The following CSF1R variants were observed in gnomAD, a reference collection of about 807,000 sequenced individuals.
CSF1R encodes colony stimulating factor 1 receptor, also known as macrophage colony-stimulating factor 1 receptor.
A neutral mutation model predicts 110.0 loss-of-function variants in CSF1R; 40 were observed. That is an observed-to-expected ratio of 0.36 (90% CI 0.28 to 0.47). The LOEUF is 0.47. CSF1R is among the 20% of genes least tolerant of loss of function. The pLI is 0.99. For synonymous variants in CSF1R, 523 were observed against 503.4 expected (o/e 1.04, Z -0.52); for missense variants, 1,052 against 1,253.0 (o/e 0.84, Z 2.42).
At chr5:150,092,607 T>A (rs1431907104) in intron 1 of CSF1R, among the ~76,000 whole-genome samples, 1 of 152,122 alleles carries the variant, frequency 6.6e-6, no homozygotes, top group Non-Finnish European at 1.5e-5. Context: ...ACATCCAACA[T>A]GATGGCAGGC....
At chr5:150,088,924 A>G (rs77341413), upstream of CSF1R, among the ~76,000 whole-genome samples, 1 of 152,280 alleles carries the variant, frequency 6.6e-6, no homozygotes, top group African/African-American at 2.4e-5. Flanking sequence ...GGTTTAACAC[A>G]TGAAAATCAG....
rs778825568 is a variant in CSF1R at position 150,061,615 on chromosome 5, C to T, written c.1754-20G>A. On this transcript the variant is annotated intron_variant, in intron 11 of 20. Coordinates refer to ENST00000675795, the MANE Select transcript of CSF1R (RefSeq NM_001288705.3). ...TCTTACCTGCCACGCACACAGGTCC[C>T]TTAAGTCCCTGGGCACCAAAGGGCC... 1 of 1,614,122 alleles carries T rather than the reference C, an allele frequency of 6.2e-7. No homozygotes were observed. Among genetic ancestry groups the T allele is most frequent in the Non-Finnish European group, 8.5e-7 (1 of 1,179,996 alleles).
intron 1 of CSF1R, among the ~76,000 whole-genome samples, chr5:150,084,734 G>T (rs561539925): frequency 3.9e-4 from 59 of 152,012 alleles, no homozygotes; most frequent in South Asian, 1.3e-3. Context: ...TTACAGGTGT[G>T]AGCCACCATG....
intron 1 of CSF1R, among the ~76,000 whole-genome samples, chr5:150,100,762 G>A (rs1759380754): frequency 1.3e-5 from 2 of 151,940 alleles, no homozygotes; most frequent in Non-Finnish European, 2.9e-5. Flanking sequence ...GTGCACAAGT[G>A]TACTAAGATA....
At chr5:150,106,421 C>G (rs1337358314) in intron 1 of CSF1R, among the ~76,000 whole-genome samples, 1 of 152,124 alleles carries the variant, frequency 6.6e-6, no homozygotes, top group African/African-American at 2.4e-5. Context: ...CCCTCCTGCC[C>G]AGTTAACCCC....
Position 150,059,684 on chromosome 5 carries a change from C to G in CSF1R, c.2132+16G>C. On this transcript the variant is annotated intron_variant, in intron 14 of 20. Transcript: ENST00000675795. ...TCCCAGACCTGGCCTTTTTCTTGTC[C>G]TTTGCCAGGGGCTACCTGCGGACAT... 6.2e-7 allele frequency: 1 copy of G among 1,611,936 alleles called. No homozygotes were observed. Among genetic ancestry groups the G allele is most frequent in the Non-Finnish European group, 8.5e-7 (1 of 1,178,278 alleles).
intron 1 of CSF1R, among the ~76,000 whole-genome samples, chr5:150,112,262 T>C (rs1053723047): frequency 1.3e-5 from 2 of 152,218 alleles, no homozygotes; most frequent in African/African-American, 4.8e-5. Context: ...AACAACAGCT[T>C]GGACTGGTGT....
chr5:150,091,487 C>T (rs1201861572), upstream of CSF1R, among the ~76,000 whole-genome samples: 1 of 152,146 alleles, frequency 6.6e-6, no homozygotes. Flanking sequence ...CTTGAAAACA[C>T]TGTGTTAAGT....
chr5:150,068,828 G>A (rs1308543721), intron 9 of CSF1R, among the ~76,000 whole-genome samples: 1 of 152,192 alleles, frequency 6.6e-6, no homozygotes, highest in Admixed American at 6.5e-5. Context: ...TGGCCCCTGA[G>A]TCTCCTCTTC....
At chr5:150,085,625 C>A (rs998181000) in intron 1 of CSF1R, among the ~76,000 whole-genome samples, 1 of 152,050 alleles carries the variant, frequency 6.6e-6, no homozygotes, top group Non-Finnish European at 1.5e-5. Context: ...GGGCTCTGGT[C>A]CAGGAGACCC....
chr5:150,054,180 G>GCCGCTGCCA lies in CSF1R; in HGVS notation c.2799_2807dup (p.Gly934_Gly936dup). The GCCGCTGCCA allele has an allele frequency of 1.9e-6, 3 of 1,612,746 alleles. No individual in the cohort carries two copies. The highest frequency in any genetic ancestry group is 2.5e-6 in the Non-Finnish European group (3 of 1,179,440). On this transcript the variant is annotated inframe_insertion, in exon 21 of 21. Coordinates refer to ENST00000675795, the MANE Select transcript of CSF1R (RefSeq NM_001288705.3). ...CCTCCTCCAGCTCACTGCTGCTGCT[G>GCCGCTGCCA]CCGCTGCCACCGCTTCTGCTGCTGC...
chr5:150,090,561 A>G (rs1271601048), upstream of CSF1R, among the ~76,000 whole-genome samples: 2 of 152,198 alleles, frequency 1.3e-5, no homozygotes, highest in East Asian at 1.9e-4. Flanking sequence ...GGAATCATAC[A>G]GTGTGTAGCT....
intron 1 of CSF1R, among the ~76,000 whole-genome samples, chr5:150,081,265 C>A (rs1192661214): frequency 2.0e-5 from 3 of 152,178 alleles, no homozygotes; most frequent in Non-Finnish European, 4.4e-5. Context: ...TTGCAGCTTG[C>A]TCAGCCTCTC....
At chr5:150,074,494 A>T (rs1758175377) in intron 5 of CSF1R, among the ~76,000 whole-genome samples, 2 of 151,866 alleles carry the variant, frequency 1.3e-5, no homozygotes, top group Non-Finnish European at 2.9e-5. Flanking sequence ...TCTCCTAATG[A>T]CATTTTGCAC....
chr5:150,100,337 A>C (rs981490700), intron 1 of CSF1R, among the ~76,000 whole-genome samples: 1 of 111,782 alleles, frequency 8.9e-6, no homozygotes, highest in African/African-American at 3.6e-5. Flanking sequence ...TTGCTCTGTC[A>C]CCCAGGTTGG....
chr5:150,070,595 T>C (rs1414667106), intron 6 of CSF1R, 24 bp from the exon 7 acceptor site: 2 of 1,474,590 alleles, frequency 1.4e-6, no homozygotes, highest in Non-Finnish European at 1.8e-6. Context: ...TCAGGTGGTG[T>C]TGGTGAGCCC....
chr5:150,092,175 T>C (rs1351664315), intron 1 of CSF1R, among the ~76,000 whole-genome samples: 2 of 152,254 alleles, frequency 1.3e-5, no homozygotes, highest in Non-Finnish European at 2.9e-5. Context: ...TTGAGCACGC[T>C]ATGTTCCAAT....
intron 1 of CSF1R, among the ~76,000 whole-genome samples, chr5:150,109,058 G>GCTC (rs1554106339): frequency 8.4e-6 from 1 of 119,738 alleles, no homozygotes; most frequent in Non-Finnish European, 1.9e-5. Context: ...GGAGAAGCCC[G>GCTC]CCCCCCCCCC....
upstream of CSF1R, among the ~76,000 whole-genome samples, chr5:150,091,119 T>TA (rs201905591): frequency 0.019 from 2,925 of 152,078 alleles, 37 homozygotes; most frequent in Non-Finnish European, 0.031. Context: ...ATCATCATAA[T>TA]AAAAAAAATC....
Sources: allele counts gnomAD v4.1 joint callset (sites outside exome capture counted in the v4.1 genomes callset), GRCh38; gene constraint gnomAD v4.1.1; transcripts MANE v1.5; gene names NCBI Gene and HGNC (gene_info 2026-07-23, HGNC 2026-07-21).